The following RAB28 variants were observed in gnomAD, a reference collection of about 807,000 sequenced individuals.
RAB28 encodes RAB28, member RAS oncogene family.
Under a neutral mutation model 31.7 loss-of-function variants are expected in RAB28, and 24 were observed. That is an observed-to-expected ratio of 0.76 (90% confidence interval 0.55 to 1.06). RAB28 has a LOEUF of 1.06. RAB28 is among the 50% of genes least tolerant of loss of function. RAB28 has a pLI of 0.00. For missense variants in RAB28, 254 were observed against 258.5 expected (o/e 0.98, Z 0.12); for synonymous variants, 100 against 90.4 (o/e 1.11, Z -0.60).
chr4:13,384,118 G>A (rs1403575626), intron 4 of RAB28, among the ~76,000 whole-genome samples: 5 of 152,202 alleles, frequency 3.3e-5, no homozygotes, highest in East Asian at 1.9e-4. Context: ...CAACACTGCC[G>A]CAAGAGTGAA....
chr4:13,439,378 A>G (rs1318723084), intron 4 of RAB28, among the ~76,000 whole-genome samples: 4 of 148,032 alleles, frequency 2.7e-5, no homozygotes, highest in African/African-American at 4.9e-5. Flanking sequence ...TTTTTCAGAC[A>G]AAGTCTCGCC....
intron 4 of RAB28, among the ~76,000 whole-genome samples, chr4:13,398,777 CAAAAA>C (rs869245506): frequency 2.7e-5 from 2 of 74,804 alleles, no homozygotes; most frequent in Non-Finnish European, 3.0e-5. Flanking sequence ...GACTCCGTTT[CAAAAA>C]AAAAAAAAAA....
At chr4:13,456,628 C>T (rs1715317716) in intron 4 of RAB28, among the ~76,000 whole-genome samples, 1 of 152,110 alleles carries the variant, frequency 6.6e-6, no homozygotes, top group South Asian at 2.1e-4. Flanking sequence ...GCTCTATGAC[C>T]TCATTATTTC....
chr4:13,388,095 G>A (rs1729456565), intron 4 of RAB28, among the ~76,000 whole-genome samples: 1 of 151,954 alleles, frequency 6.6e-6, no homozygotes, highest in Non-Finnish European at 1.5e-5. Context: ...TCTGCTTTCA[G>A]ACAGCAAGAT....
intron 4 of RAB28, chr4:13,459,732 A>C (rs1715488397): frequency 9.8e-7 from 1 of 1,021,658 alleles, no homozygotes; most frequent in Non-Finnish European, 1.2e-6. Flanking sequence ...TAGAAGAGGA[A>C]GTTTATAAGA....
At chr4:13,403,766 GTAAA>G (rs1226545116) in intron 4 of RAB28, among the ~76,000 whole-genome samples, 2 of 152,110 alleles carry the variant, frequency 1.3e-5, no homozygotes, top group Non-Finnish European at 1.5e-5. Context: ...TCATGAATGA[GTAAA>G]TAAATGAATG....
intron 4 of RAB28, among the ~76,000 whole-genome samples, chr4:13,419,499 A>C (rs1024390407): frequency 6.6e-6 from 1 of 152,224 alleles, no homozygotes; most frequent in Non-Finnish European, 1.5e-5. Flanking sequence ...CATAGTTGGA[A>C]GTAAAGCACT....
chr4:13,393,463 C>T (rs1052343169), intron 4 of RAB28, among the ~76,000 whole-genome samples: 1 of 152,076 alleles, frequency 6.6e-6, no homozygotes, highest in Admixed American at 6.6e-5. Flanking sequence ...CCAGCTTACC[C>T]AAGAAAAATA....
intron 4 of RAB28, among the ~76,000 whole-genome samples, chr4:13,393,345 C>A (rs1410689649): frequency 3.3e-5 from 5 of 152,178 alleles, no homozygotes. Flanking sequence ...CTGAAAGAAC[C>A]TGGCTTCCAA....
intron 4 of RAB28, among the ~76,000 whole-genome samples, chr4:13,459,345 T>C (rs548185732): frequency 6.6e-6 from 1 of 152,318 alleles, no homozygotes; most frequent in Admixed American, 6.5e-5. Flanking sequence ...TTCTCCTTAA[T>C]AAACTCCCTT....
chr4:13,424,303 T>C (rs951487096), intron 4 of RAB28, among the ~76,000 whole-genome samples: 1 of 152,206 alleles, frequency 6.6e-6, no homozygotes, highest in African/African-American at 2.4e-5. Context: ...TAAGGAAGAA[T>C]TTTTCCTTGC....
At chr4:13,381,652 T>G in intron 4 of RAB28, 58 bp from the exon 5 acceptor site, 1 of 1,236,190 alleles carries the variant, frequency 8.1e-7, no homozygotes, top group Non-Finnish European at 1.1e-6. Context: ...AAAACGTTTT[T>G]AACATGTTTA....
chr4:13,400,959 T>A (rs1352430825), intron 4 of RAB28, among the ~76,000 whole-genome samples: 1 of 152,200 alleles, frequency 6.6e-6, no homozygotes, highest in Non-Finnish European at 1.5e-5. Flanking sequence ...CTTGATTCAA[T>A]TTGTTAATAT....
intron 4 of RAB28, among the ~76,000 whole-genome samples, chr4:13,443,524 G>A (rs1326780233): frequency 6.6e-6 from 1 of 152,076 alleles, no homozygotes; most frequent in Non-Finnish European, 1.5e-5. Flanking sequence ...CACTAAGTGA[G>A]GTGCTTATTT....
intron 3 of RAB28, among the ~76,000 whole-genome samples, chr4:13,461,994 C>A (rs1167551818): frequency 2.0e-5 from 3 of 152,146 alleles, no homozygotes; most frequent in Admixed American, 6.5e-5. Context: ...GTGATGGAGC[C>A]AGTATTTGAA....
chr4:13,403,808 T>G (rs968907327), intron 4 of RAB28, among the ~76,000 whole-genome samples: 1 of 152,200 alleles, frequency 6.6e-6, no homozygotes, highest in Non-Finnish European at 1.5e-5. Flanking sequence ...GAAAATTGAA[T>G]GTGTGCAAAT....
chr4:13,423,398 G>A (rs867488659), intron 4 of RAB28, among the ~76,000 whole-genome samples: 5 of 151,462 alleles, frequency 3.3e-5, no homozygotes, highest in South Asian at 2.1e-4. Flanking sequence ...TTAGCTGGGC[G>A]TGGTGGCAGA....
At chr4:13,427,270 C>T (rs1056450588) in intron 4 of RAB28, among the ~76,000 whole-genome samples, 3 of 152,292 alleles carry the variant, frequency 2.0e-5, no homozygotes, top group African/African-American at 7.2e-5. Flanking sequence ...AATACTACTG[C>T]TTCCAGCTTT....
chr4:13,369,809 G>A, intron 6 of RAB28: 1 of 1,455,006 alleles, frequency 6.9e-7, no homozygotes, highest in Non-Finnish European at 9.3e-7. Context: ...TAAAGAACAA[G>A]ATAGCATTCA....
Sources: allele counts gnomAD v4.1 joint callset (sites outside exome capture counted in the v4.1 genomes callset), GRCh38; gene constraint gnomAD v4.1.1; transcripts MANE v1.5; gene names NCBI Gene and HGNC (gene_info 2026-07-23, HGNC 2026-07-21).